Variants in PPM1L observed in about 807,000 individuals in gnomAD.
The protein encoded by PPM1L is protein phosphatase, Mg2+/Mn2+ dependent 1L, also known as protein phosphatase 1L.
A neutral mutation model predicts 31.4 loss-of-function variants in PPM1L; 13 were observed. That is an observed-to-expected ratio of 0.41 (90% CI 0.27 to 0.66). The LOEUF (loss-of-function observed/expected upper bound fraction) is 0.66. PPM1L is among the 30% of genes least tolerant of loss of function. The pLI, the probability that PPM1L is intolerant of heterozygous loss-of-function variation, is 0.29. For synonymous variants in PPM1L, 184 were observed against 175.4 expected, an observed-to-expected ratio of 1.05 and a Z score of -0.39; for missense variants, 326 against 453.7, an observed-to-expected ratio of 0.72 and a Z score of 2.56.
intron 2 of PPM1L, among the ~76,000 whole-genome samples, chr3:161,009,277 G>C (rs1355430584): frequency 6.6e-6 from 1 of 152,184 alleles, no homozygotes; most frequent in East Asian, 1.9e-4. Flanking sequence ...ACTGGATAGA[G>C]TGCCCACAGT....
rs546403034 is a variant in PPM1L at position 160,803,078 on chromosome 3, C to T, written c.399+46371C>T. Among the ~76,000 whole-genome samples the T allele has an allele frequency of 3.9e-5, 6 of 152,226 alleles. No individual in the cohort carries two copies. The East Asian group carries it at 7.7e-4, about 20-fold the overall frequency. On this transcript the variant is annotated intron_variant, in intron 1 of 3. Transcript: ENST00000498165. ...AGCTGGTCTGGCTGCAGCATTAAGG[C>T]GAATCCTAAGGTTAACTCACCATCT...
chr3:161,023,257 T>C (rs566213077), intron 2 of PPM1L, among the ~76,000 whole-genome samples: 2 of 152,242 alleles, frequency 1.3e-5, no homozygotes, highest in African/African-American at 4.8e-5. Flanking sequence ...TTCTAGGATG[T>C]ATAGATTAAT....
At chr3:160,767,629 G>T (rs1715139761) in intron 1 of PPM1L, among the ~76,000 whole-genome samples, 2 of 152,138 alleles carry the variant, frequency 1.3e-5, no homozygotes. Context: ...ATTTGCATTT[G>T]CTTTTCAACA....
chr3:160,866,628 C>T (rs184398291), intron 1 of PPM1L, among the ~76,000 whole-genome samples: 1 of 152,306 alleles, frequency 6.6e-6, no homozygotes, highest in East Asian at 1.9e-4. Context: ...TAATGGAGCT[C>T]TTAAAAGTCA....
intron 1 of PPM1L, among the ~76,000 whole-genome samples, chr3:160,868,115 G>A (rs1017372570): frequency 6.6e-6 from 1 of 152,154 alleles, no homozygotes; most frequent in Non-Finnish European, 1.5e-5. Flanking sequence ...AAAATTGTAG[G>A]CATCCTGTTT....
intron 2 of PPM1L, among the ~76,000 whole-genome samples, chr3:161,058,117 C>CT (rs1719465240): frequency 3.4e-5 from 1 of 29,346 alleles, no homozygotes; most frequent in Admixed American, 4.2e-4. Flanking sequence ...CATTTTCTTT[C>CT]CTTTTTTTTT....
At chr3:160,944,964 C>CTATATATAACAT (rs1559897474) in intron 1 of PPM1L, among the ~76,000 whole-genome samples, 67 of 47,666 alleles carry the variant, frequency 1.4e-3, no homozygotes, top group African/African-American at 5.0e-3. Flanking sequence ...AACTATATAA[C>CTATATATAACAT]ATATATTATA....
intron 1 of PPM1L, among the ~76,000 whole-genome samples, chr3:160,876,747 G>A (rs1453812523): frequency 6.6e-6 from 1 of 152,170 alleles, no homozygotes; most frequent in Admixed American, 6.5e-5. Flanking sequence ...CAACTACAAT[G>A]CTACAATGGC....
intron 1 of PPM1L, among the ~76,000 whole-genome samples, chr3:160,844,760 A>G (rs1714021720): frequency 6.6e-6 from 1 of 152,152 alleles, no homozygotes; most frequent in South Asian, 2.1e-4. Context: ...AACATACTGT[A>G]CAATTCACCC....
intron 2 of PPM1L, among the ~76,000 whole-genome samples, chr3:160,973,071 C>T (rs1304902923): frequency 6.6e-6 from 1 of 152,108 alleles, no homozygotes; most frequent in Non-Finnish European, 1.5e-5. Context: ...TCTAATAGAA[C>T]ACCTCATATC....
At chr3:160,771,981 C>G (rs1715269582) in intron 1 of PPM1L, among the ~76,000 whole-genome samples, 1 of 151,964 alleles carries the variant, frequency 6.6e-6, no homozygotes, top group Non-Finnish European at 1.5e-5. Context: ...TGGAACTCTT[C>G]TGAGCATCTG....
chr3:160,824,418 C>T (rs961332408), intron 1 of PPM1L, among the ~76,000 whole-genome samples: 2 of 152,104 alleles, frequency 1.3e-5, no homozygotes, highest in African/African-American at 2.4e-5. Flanking sequence ...AAGTACTGAA[C>T]CATAAGGGTG....
intron 2 of PPM1L, among the ~76,000 whole-genome samples, chr3:161,021,692 AT>A (rs1225027227): frequency 6.6e-6 from 1 of 151,946 alleles, no homozygotes; most frequent in African/African-American, 2.4e-5. Flanking sequence ...TGCCTCACGT[AT>A]TTTAGAGCTC....
chr3:160,787,128 G>A (rs1711958636), intron 1 of PPM1L, among the ~76,000 whole-genome samples: 1 of 152,138 alleles, frequency 6.6e-6, no homozygotes, highest in Admixed American at 6.5e-5. Context: ...CAAGTAATGG[G>A]ATTACTGGGT....
chr3:160,864,078 C>T (rs931974767), intron 1 of PPM1L, among the ~76,000 whole-genome samples: 2 of 152,296 alleles, frequency 1.3e-5, no homozygotes, highest in Non-Finnish European at 2.9e-5. Flanking sequence ...TTTGTTACCA[C>T]TCCGTATTGA....
intron 3 of PPM1L, among the ~76,000 whole-genome samples, chr3:161,067,873 T>C (rs1340191595): frequency 6.6e-6 from 1 of 152,164 alleles, no homozygotes; most frequent in African/African-American, 2.4e-5. Context: ...ATCCCTCCCT[T>C]CTCCATCTGC....
chr3:161,037,069 T>C (rs1385803087), intron 2 of PPM1L, among the ~76,000 whole-genome samples: 1 of 152,222 alleles, frequency 6.6e-6, no homozygotes, highest in Non-Finnish European at 1.5e-5. Flanking sequence ...AGCATGGTTT[T>C]AAAGGTATGT....
intron 1 of PPM1L, among the ~76,000 whole-genome samples, chr3:160,765,047 T>C (rs528900402): frequency 6.6e-6 from 1 of 152,358 alleles, no homozygotes; most frequent in East Asian, 1.9e-4. Context: ...ATTGCTAACA[T>C]TTATTGAGTA....
At chr3:161,046,110 CAAAAA>C (rs58794623) in intron 2 of PPM1L, among the ~76,000 whole-genome samples, 8 of 50,304 alleles carry the variant, frequency 1.6e-4, no homozygotes, top group African/African-American at 5.1e-4. Context: ...GACTCTGTCT[CAAAAA>C]AAAAAAAAAA....
Sources: allele counts gnomAD v4.1 joint callset (sites outside exome capture counted in the v4.1 genomes callset), GRCh38; gene constraint gnomAD v4.1.1; transcripts MANE v1.5; gene names NCBI Gene and HGNC (gene_info 2026-07-23, HGNC 2026-07-21).